Variants in ADAM18 observed in about 807,000 individuals in gnomAD.
ADAM18 encodes the protein ADAM metallopeptidase domain 18, also known as disintegrin and metalloproteinase domain-containing protein 18.
ADAM18 carries 117 observed loss-of-function variants against 94.4 expected under a neutral mutation model. The ratio of observed to expected loss-of-function variants is 1.24; its 90% CI spans 1.07 to 1.45. ADAM18 has a LOEUF of 1.45. ADAM18 is among the 40% of genes most tolerant of loss of function. The pLI is 0.00. For missense variants in ADAM18, 936 were observed against 880.0 expected, an observed-to-expected ratio of 1.06 and a Z score of -0.81; for synonymous variants, 327 against 291.6, an observed-to-expected ratio of 1.12 and a Z score of -1.24.
At position 39,645,448 on chromosome 8, in the gene ADAM18, T is replaced by C. The variant is rs759149959; in HGVS notation, c.1020T>C (p.Ala340=). 4 of 1,611,606 alleles carry C rather than the reference T, an allele frequency of 2.5e-6. No homozygotes were observed. In the South Asian group the frequency reaches 3.3e-5, roughly 13 times the overall value. The part of the protein sequence containing the change: ...DDITQCFCLR[A]TCIMNHEAVS... ...TCACTCAGTGTTTCTGTCTGAGAGC[T>C]ACATGCATCATGAATCATGAAGCAG... Residue 340 remains alanine, a synonymous_variant, in exon 11 of 20, where the codon GCT becomes GCC. Coordinates refer to ENST00000265707, the MANE Select transcript of ADAM18 (RefSeq NM_014237.3).
intron 2 of ADAM18, among the ~76,000 whole-genome samples, chr8:39,587,452 T>C (rs1472847499): frequency 6.6e-6 from 1 of 152,210 alleles, no homozygotes; most frequent in Non-Finnish European, 1.5e-5. Context: ...TTTTATTTTA[T>C]TTATTTGTTT....
At chr8:39,654,232 A>C (rs1364861004) in intron 12 of ADAM18, among the ~76,000 whole-genome samples, 2 of 134,842 alleles carry the variant, frequency 1.5e-5, no homozygotes, top group African/African-American at 6.2e-5. Flanking sequence ...ATCTCAGCTC[A>C]CTGCAAGCTC....
chr8:39,724,857 A>G (rs1389023456), intron 19 of ADAM18, among the ~76,000 whole-genome samples: 2 of 151,934 alleles, frequency 1.3e-5, no homozygotes, highest in African/African-American at 2.4e-5. Context: ...ATATTTATAG[A>G]TTTCCCAGGA....
intron 6 of ADAM18, among the ~76,000 whole-genome samples, chr8:39,618,275 C>T (rs1819506554): frequency 6.6e-6 from 1 of 152,096 alleles, no homozygotes. Context: ...CCTTCTGGTC[C>T]TGTGGTGCCC....
In ADAM18 at chr8:39,726,722, AG is replaced by A. The variant is rs1463629866; in HGVS notation, c.2177+2816del. 7.2e-5 allele frequency among the ~76,000 whole-genome samples: 11 copies of A among 152,258 alleles called. No homozygotes were observed. In the South Asian group the frequency reaches 2.3e-3, roughly 32 times the overall value. On this transcript the variant is annotated intron_variant, in intron 19 of 19. Coordinates refer to ENST00000265707, the MANE Select transcript of ADAM18 (RefSeq NM_014237.3). ...TAATCTCTCTCCTGATTTCTTGGAA[AG>A]TCAGATAAACAACTTAGTTTCAGTT...
intron 7 of ADAM18, among the ~76,000 whole-genome samples, chr8:39,630,014 T>C (rs1038210035): frequency 3.9e-5 from 6 of 152,088 alleles, no homozygotes; most frequent in African/African-American, 1.4e-4. Context: ...TTTTACCATC[T>C]TATAAAGCAT....
At chr8:39,724,635 T>C (rs532097869) in intron 19 of ADAM18, among the ~76,000 whole-genome samples, 47 of 152,024 alleles carry the variant, frequency 3.1e-4, no homozygotes, top group African/African-American at 1.0e-3. Flanking sequence ...TTCTAGTAGT[T>C]GTAAGGCCAA....
At chr8:39,624,836 C>T (rs1819717959) in intron 6 of ADAM18, among the ~76,000 whole-genome samples, 1 of 152,194 alleles carries the variant, frequency 6.6e-6, no homozygotes. Flanking sequence ...CCATGTAAGA[C>T]ATGCCTGCTT....
intron 14 of ADAM18, among the ~76,000 whole-genome samples, chr8:39,674,690 ATTAATTGATG>A (rs1248723142): frequency 6.6e-6 from 1 of 152,138 alleles, no homozygotes; most frequent in Non-Finnish European, 1.5e-5. Flanking sequence ...TATTTTTCCC[ATTAATTGATG>A]CAGTTTCTTC....
chr8:39,601,484 ATAT>A (rs1409347778), intron 2 of ADAM18, among the ~76,000 whole-genome samples: 1 of 152,160 alleles, frequency 6.6e-6, no homozygotes, highest in African/African-American at 2.4e-5. Context: ...CTTATTCCTA[ATAT>A]TATTTCTTAT....
chr8:39,681,058 A>T (rs370327775), intron 16 of ADAM18, among the ~76,000 whole-genome samples: 134 of 152,270 alleles, frequency 8.8e-4, no homozygotes, highest in African/African-American at 3.0e-3. Flanking sequence ...TTGCCTGTGG[A>T]CTGCATCTAA....
At chr8:39,636,437 G>A (rs763166042) in intron 7 of ADAM18, among the ~76,000 whole-genome samples, 17 of 152,030 alleles carry the variant, frequency 1.1e-4, no homozygotes, top group South Asian at 4.1e-4. Flanking sequence ...ATATTTTCAA[G>A]TGTATTAAAA....
chr8:39,584,799 GC>G (rs1818348743), intron 1 of ADAM18, 122 bp downstream of exon 1: 1 of 1,193,476 alleles, frequency 8.4e-7, no homozygotes, highest in Middle Eastern at 1.9e-4. Flanking sequence ...CCATGCTGGT[GC>G]TTCTGGTGTG....
At chr8:39,667,718 T>A (rs1821029948) in intron 13 of ADAM18, among the ~76,000 whole-genome samples, 1 of 152,176 alleles carries the variant, frequency 6.6e-6, no homozygotes, top group South Asian at 2.1e-4. Context: ...TTTAATCTAA[T>A]GCTGTTTGAG....
intron 2 of ADAM18, among the ~76,000 whole-genome samples, chr8:39,587,503 G>A (rs1313284292): frequency 6.6e-6 from 1 of 152,154 alleles, no homozygotes; most frequent in South Asian, 2.1e-4. Context: ...GGAGTGCAGT[G>A]GTGTGATCTT....
At chr8:39,664,611 TG>T (rs1295172967) in intron 13 of ADAM18, among the ~76,000 whole-genome samples, 7 of 152,122 alleles carry the variant, frequency 4.6e-5, no homozygotes, top group African/African-American at 1.4e-4. Flanking sequence ...AAATAAATGA[TG>T]AATGATTATG....
Position 39,611,367 on chromosome 8 carries a change from C to G in ADAM18, c.522+661C>G, listed in dbSNP as rs183521109. On this transcript the variant is annotated intron_variant, in intron 6 of 19. Transcript: ENST00000265707. The stretch of plus-strand genomic sequence containing the variant: ...TTTACCATACTTGGAGCTCAAAGCA[C>G]TTCTTGGGTCTGTAAATGGATGTGT... The G allele has an allele frequency of 1.1e-5, 10 of 905,026 alleles. No individual in the cohort carries two copies. The African/African-American group carries it at 1.6e-4, about 15-fold the overall frequency. The allele number at this position is 905,026 out of a possible 1,614,324, so 56.1% of individuals were successfully genotyped here.
chr8:39,647,767 T>TAAAC (rs1820425511), intron 11 of ADAM18, among the ~76,000 whole-genome samples: 1 of 152,206 alleles, frequency 6.6e-6, no homozygotes, highest in African/African-American at 2.4e-5. Flanking sequence ...GTAAACATTT[T>TAAAC]GTTAACAAGG....
intron 12 of ADAM18, among the ~76,000 whole-genome samples, chr8:39,655,090 TA>T (rs771468999): frequency 1.1e-4 from 17 of 151,602 alleles, no homozygotes; most frequent in Middle Eastern, 3.4e-3. Context: ...TAGTCTTGCT[TA>T]AAAAAAAACT....
Sources: allele counts gnomAD v4.1 joint callset (sites outside exome capture counted in the v4.1 genomes callset), GRCh38; gene constraint gnomAD v4.1.1; transcripts MANE v1.5; gene names NCBI Gene and HGNC (gene_info 2026-07-23, HGNC 2026-07-21).